The following EPB41 variants were observed in gnomAD, a reference collection of about 807,000 sequenced individuals.
EPB41 encodes protein 4.1.
EPB41 carries 65 observed loss-of-function variants against 108.0 expected under a neutral mutation model. That is an observed-to-expected ratio of 0.60 (90% CI 0.49 to 0.74). The LOEUF (loss-of-function observed/expected upper bound fraction) is 0.74, where lower values mean the gene tolerates loss of function less well. Ranked by LOEUF, EPB41 falls within the 30% of genes least tolerant of loss-of-function variation. The probability of loss-of-function intolerance (pLI) is 0.00; values close to 1 mark genes in which losing one functional copy is unlikely to be tolerated. For missense variants in EPB41, 875 were observed against 1,037.0 expected (o/e 0.84, Z 2.15); for synonymous variants, 336 against 358.9 (o/e 0.94, Z 0.72).
At chr1:29,014,133 A>G (rs993455008) in intron 5 of EPB41, among the ~76,000 whole-genome samples, 4 of 152,000 alleles carry the variant, frequency 2.6e-5, no homozygotes, top group South Asian at 2.1e-4. Flanking sequence ...CCTGGCCAAC[A>G]TGGTGAAACC....
chr1:29,096,264 G>A lies in EPB41; in HGVS notation c.2185-1543G>A, dbSNP rs934176004. The A allele has an allele frequency of 1.3e-5, 13 of 985,730 alleles. No individual in the cohort carries two copies. In the South Asian group the frequency reaches 5.6e-4, roughly 43 times the overall value. 61.1% of individuals were successfully genotyped at this position (985,730 alleles called of 1,614,324 possible). A position where few individuals can be genotyped will look rare whatever the true frequency, so the allele number is the denominator to read the frequency against. On this transcript the variant is annotated intron_variant, in intron 16 of 20. Transcript: ENST00000343067. The stretch of plus-strand genomic sequence containing the variant: ...AAGCATTCGGTAGTTCCTAGTAAAA[G>A]CCAGATGACCACCTCGTCGGAGTCT...
At chr1:29,066,418 C>CA (rs1056646606) in intron 16 of EPB41, among the ~76,000 whole-genome samples, 22 of 145,896 alleles carry the variant, frequency 1.5e-4, no homozygotes, top group Middle Eastern at 3.5e-3. Flanking sequence ...GACTCCGTCT[C>CA]AAAAAAAAAG....
At chr1:29,068,227 C>G (rs1370444555) in intron 16 of EPB41, among the ~76,000 whole-genome samples, 1 of 152,210 alleles carries the variant, frequency 6.6e-6, no homozygotes, top group Non-Finnish European at 1.5e-5. Context: ...CCAGTTAACC[C>G]TATCTGCAAA....
chr1:28,998,927 A>G (rs190590994), intron 4 of EPB41, among the ~76,000 whole-genome samples: 1 of 152,358 alleles, frequency 6.6e-6, no homozygotes, highest in East Asian at 1.9e-4. Flanking sequence ...ATATACAACT[A>G]TAATTTTTCA....
At chr1:28,997,957 G>A (rs2096220004) in intron 4 of EPB41, among the ~76,000 whole-genome samples, 2 of 152,222 alleles carry the variant, frequency 1.3e-5, no homozygotes, top group South Asian at 4.1e-4. Flanking sequence ...ATTGAAAATT[G>A]CAAATATTTA....
At chr1:28,948,501 G>C (rs1407104544) in intron 1 of EPB41, among the ~76,000 whole-genome samples, 1 of 93,974 alleles carries the variant, frequency 1.1e-5, no homozygotes, top group East Asian at 4.7e-4. Context: ...AGGAGACTCC[G>C]TATCAAAAAA....
chr1:28,921,961 T>TATATATATATGC (rs770764638), intron 1 of EPB41, among the ~76,000 whole-genome samples: 1 of 109,922 alleles, frequency 9.1e-6, no homozygotes, highest in Non-Finnish European at 1.7e-5. Context: ...TATATATATA[T>TATATATATATGC]ACACTTTTTT....
At chr1:29,097,659 C>G in intron 16 of EPB41, 148 bp from the exon 17 acceptor site, 1 of 878,288 alleles carries the variant, frequency 1.1e-6, no homozygotes, top group Middle Eastern at 3.0e-4. Context: ...GGAATACTGT[C>G]GAAGTCTTAG....
Position 29,106,564 on chromosome 1 carries a change from A to AATTTTT in EPB41, c.2314-2772_2314-2771insATTTTT, listed in dbSNP as rs1233211329. 2.0e-4 allele frequency among the ~76,000 whole-genome samples: 10 copies of AATTTTT among 50,890 alleles called. 2 individuals carry two copies. The highest frequency in any genetic ancestry group is 7.6e-4 in the African/African-American group (9 of 11,768). The allele number at this position is 50,890 out of a possible 152,430, so 33.4% of individuals were successfully genotyped here. ...CCTCTCAGCCTCCCGAGTAGCTGGG[A>AATTTTT]TTTTTTTTTTTTTTTTTTTTTTTTT... is the stretch of plus-strand genomic sequence containing the variant. On this transcript the variant is annotated intron_variant, in intron 17 of 20. Transcript: ENST00000343067.
chr1:28,963,344 CGT>C (rs57558766), intron 1 of EPB41, among the ~76,000 whole-genome samples: 12,262 of 146,170 alleles, frequency 0.084, 561 homozygotes, highest in African/African-American at 0.14. Context: ...AAATCAGAAT[CGT>C]GTGTGTGTGT....
chr1:28,934,644 T>A (rs945407982), intron 1 of EPB41, among the ~76,000 whole-genome samples: 9 of 137,434 alleles, frequency 6.5e-5, no homozygotes, highest in African/African-American at 2.5e-4. Flanking sequence ...GCTCTTTTGG[T>A]TGGCCTCTGG....
chr1:28,999,524 T>G (rs1306150600), intron 4 of EPB41, among the ~76,000 whole-genome samples: 1 of 152,194 alleles, frequency 6.6e-6, no homozygotes, highest in Admixed American at 6.5e-5. Context: ...TAATTAAGAA[T>G]CCTTTAATTT....
At chr1:29,078,997 ATT>A (rs541446416) in intron 16 of EPB41, among the ~76,000 whole-genome samples, 4 of 144,028 alleles carry the variant, frequency 2.8e-5, no homozygotes, top group Non-Finnish European at 4.6e-5. Context: ...AAGTAAAATG[ATT>A]TTTTTTTTTT....
In EPB41 at chr1:29,022,721, CA is replaced by C. The variant is rs889498783; in HGVS notation, c.1124+4288del. 5.3e-5 allele frequency among the ~76,000 whole-genome samples: 8 copies of C among 149,574 alleles called. No individual in the cohort carries two copies. The South Asian group carries it at 1.7e-3, about 32-fold the overall frequency. On this transcript the variant is annotated intron_variant, in intron 7 of 20. Coordinates refer to ENST00000343067, the MANE Select transcript of EPB41 (RefSeq NM_001376013.1). ...GGGCGACAAGAGCAAGACTCCATCT[CA>C]AAAAAAAAGAAAAAAGAGTGTTTTA...
At chr1:29,085,041 T>A in intron 16 of EPB41, among the ~76,000 whole-genome samples, 1 of 152,112 alleles carries the variant, frequency 6.6e-6, no homozygotes, top group East Asian at 1.9e-4. Context: ...GAAATATAAA[T>A]CATTCTGGAT....
intron 15 of EPB41, among the ~76,000 whole-genome samples, chr1:29,061,256 A>G (rs1646468294): frequency 6.6e-6 from 1 of 151,970 alleles, no homozygotes; most frequent in Admixed American, 6.6e-5. Context: ...TCATATATAT[A>G]TAAAATTTTT....
At chr1:29,114,589 GCCAAGATCA>G in intron 19 of EPB41, among the ~76,000 whole-genome samples, 1 of 141,024 alleles carries the variant, frequency 7.1e-6, no homozygotes, top group Non-Finnish European at 1.5e-5. Flanking sequence ...GTTTCAGTGA[GCCAAGATCA>G]CACCACTGCA....
chr1:28,967,474 G>A (rs2095388646), intron 1 of EPB41, among the ~76,000 whole-genome samples: 1 of 152,034 alleles, frequency 6.6e-6, no homozygotes, highest in Non-Finnish European at 1.5e-5. Flanking sequence ...AAGGATCTGG[G>A]GATATTTAAC....
In EPB41 at chr1:28,987,843, G is replaced by T; in HGVS notation, c.406G>T (p.Glu136Ter). 6.2e-7 allele frequency: 1 copy of T among 1,614,214 alleles called. No individual in the cohort carries two copies. The highest frequency in any genetic ancestry group is 8.5e-7 in the Non-Finnish European group (1 of 1,180,036). The change falls in exon 2 of 21, where the codon GAA (glutamate) becomes TAA (stop). Residue 136 changes from glutamate to a stop codon, truncating the protein, a stop_gained. Coordinates refer to ENST00000343067, the MANE Select transcript of EPB41 (RefSeq NM_001376013.1). LOFTEE classifies it high-confidence loss of function. ...IILKAPIAAP[E>*]PELKTDPSLD... ...TTTAAAGGCCCCAATTGCAGCTCCT[G>T]AACCGGAACTCAAAACAGACCCATC...
Sources: allele counts gnomAD v4.1 joint callset (sites outside exome capture counted in the v4.1 genomes callset), GRCh38; gene constraint gnomAD v4.1.1; transcripts MANE v1.5; gene names NCBI Gene and HGNC (gene_info 2026-07-23, HGNC 2026-07-21).